The following DDIAS variants were observed in gnomAD, a reference collection of about 807,000 sequenced individuals.
DDIAS encodes DNA damage-induced apoptosis suppressor protein.
In DDIAS, 14 loss-of-function variants were observed where a neutral mutation model predicts 15.7. The ratio of observed to expected loss-of-function variants is 0.89; its 90% confidence interval spans 0.59 to 1.39. The LOEUF is 1.39. Among genes scored for constraint, DDIAS ranks in the 40% most tolerant of loss-of-function variants. DDIAS has a pLI of 0.00. For missense variants in DDIAS, 1,035 were observed against 1,130.9 expected, an observed-to-expected ratio of 0.92 and a Z score of 1.22; for synonymous variants, 355 against 395.9, an observed-to-expected ratio of 0.90 and a Z score of 1.23.
intron 3 of DDIAS, among the ~76,000 whole-genome samples, chr11:82,917,363 G>A (rs1860653610): frequency 6.7e-6 from 1 of 148,994 alleles, no homozygotes; most frequent in East Asian, 2.0e-4. Context: ...CATCCTCATA[G>A]CTTAGCTCCC....
rs372090730 is a variant in DDIAS, at chr11:82,932,996, T to C, written c.1658T>C (p.Val553Ala). 6.2e-7 allele frequency: 1 copy of C among 1,611,086 alleles called. No individual in the cohort carries two copies. The highest frequency in any genetic ancestry group is 8.5e-7 in the Non-Finnish European group (1 of 1,179,708). ...TCTTCAAAAGATTTAGAAACAATAG[T>C]TACTCTTAAGAAGACTATCAGAATC... ...SSSSKDLETI[V>A]TLKKTIRISP... Residue 553 changes from valine to alanine, a missense_variant, in exon 6 of 6, where the codon GTT becomes GCT. Physicochemically the swap from Val to Ala is moderately conservative, Grantham distance 64. Transcript: ENST00000533655.
At chr11:82,925,656 A>G (rs991940100) in intron 3 of DDIAS, among the ~76,000 whole-genome samples, 49 of 152,252 alleles carry the variant, frequency 3.2e-4, no homozygotes, top group African/African-American at 1.1e-3. Context: ...TATGGATCTA[A>G]TGTACAGCTT....
intron 1 of DDIAS, among the ~76,000 whole-genome samples, chr11:82,905,302 T>G (rs901139285): frequency 1.3e-5 from 2 of 152,176 alleles, no homozygotes; most frequent in Non-Finnish European, 2.9e-5. Context: ...GTGTGAGAGA[T>G]TTAAAGAAAG....
At position 82,933,662 on chromosome 11, in the gene DDIAS, CT is replaced by C. The variant is rs1259579791; in HGVS notation, c.2325del (p.Pro776GlnfsTer13). 3.1e-6 allele frequency: 5 copies of C among 1,614,068 alleles called. No homozygotes were observed. The highest frequency in any genetic ancestry group is 4.2e-6 in the Non-Finnish European group (5 of 1,179,978). On this transcript the variant is annotated frameshift_variant, in exon 6 of 6. Coordinates refer to ENST00000533655, the MANE Select transcript of DDIAS (RefSeq NM_145018.4). LOFTEE classifies it low-confidence loss of function (END_TRUNC). ...GACTTTGTTCCATGTTCACAGTCAA[CT>C]CCAATTTCAGGGTTCCACCAAACAA... is the stretch of plus-strand genomic sequence containing the variant. ...SQDFVPCSQS[T>X]PISGFHQTRI...
intron 3 of DDIAS, among the ~76,000 whole-genome samples, chr11:82,919,760 C>G (rs1860707784): frequency 6.6e-6 from 1 of 152,132 alleles, no homozygotes; most frequent in African/African-American, 2.4e-5. Flanking sequence ...GAGACGGAGT[C>G]TCACTCTGTC....
intron 3 of DDIAS, 26 bp downstream of exon 3, chr11:82,914,877 G>A (rs1860601977): frequency 6.9e-7 from 1 of 1,444,454 alleles, no homozygotes; most frequent in Non-Finnish European, 9.6e-7. Context: ...GTAAGTGTGA[G>A]AGAGGAAATA....
At chr11:82,929,444 C>T (rs1860937905) in intron 4 of DDIAS, among the ~76,000 whole-genome samples, 1 of 152,202 alleles carries the variant, frequency 6.6e-6, no homozygotes, top group South Asian at 2.1e-4. Context: ...TAGCTCACGC[C>T]TGTAATCCCA....
At chr11:82,913,943 T>A (rs759159616) in intron 2 of DDIAS, 1 of 443,350 alleles carries the variant, frequency 2.3e-6, no homozygotes, top group South Asian at 1.6e-5. Context: ...AATACTTTTT[T>A]TTTTCTTTTT....
intron 3 of DDIAS, among the ~76,000 whole-genome samples, chr11:82,923,962 T>C (rs1860807517): frequency 6.6e-6 from 1 of 152,202 alleles, no homozygotes; most frequent in Non-Finnish European, 1.5e-5. Context: ...ACATAGAAAT[T>C]GCCCTTCTGG....
Position 82,932,764 on chromosome 11 carries a change from C to T in DDIAS, c.1426C>T (p.Pro476Ser). Residue 476 changes from proline to serine, a missense_variant, in exon 6 of 6, where the codon CCT (proline) becomes TCT (serine). Physicochemically the swap from Pro to Ser is moderately conservative, Grantham distance 74. Transcript: ENST00000533655. ...QRTTGALHTP[P>S]IALRSSQVIV... is the part of the protein sequence containing the mutation. ...AACTACTGGAGCCCTGCATACACCA[C>T]CTATAGCTTTAAGATCATCACAAGT... The T allele has an allele frequency of 1.2e-6, 2 of 1,614,010 alleles. No homozygotes were observed. Among genetic ancestry groups the T allele is most frequent in the South Asian group, 1.1e-5 (1 of 91,088 alleles).
At position 82,928,821 on chromosome 11, in the gene DDIAS, C is replaced by T; in HGVS notation, c.158C>T (p.Ala53Val). Reference sequence around the variant, plus strand: ...GGCTCTACTGGTGAATCTGGAAATGCCAATTACAGATACAAACTTTCCTTA... The same window carrying T: ...GGCTCTACTGGTGAATCTGGAAATGTCAATTACAGATACAAACTTTCCTTA... ...KCGSTGESGNANYRYKLSLKV... is the reference protein window; with the variant it reads ...KCGSTGESGNVNYRYKLSLKV... Residue 53 changes from alanine to valine, a missense_variant, in exon 4 of 6, where the codon GCC becomes GTC. Coordinates refer to ENST00000533655, the MANE Select transcript of DDIAS (RefSeq NM_145018.4). The T allele has an allele frequency of 6.2e-7, 1 of 1,613,252 alleles. No individual in the cohort carries two copies. Among genetic ancestry groups the T allele is most frequent in the Non-Finnish European group, 8.5e-7 (1 of 1,179,694 alleles).
At chr11:82,910,604 CTCTTTTTTT>C (rs1860513030) in intron 1 of DDIAS, among the ~76,000 whole-genome samples, 2 of 107,640 alleles carry the variant, frequency 1.9e-5, no homozygotes, top group African/African-American at 4.9e-5. Context: ...CTCTCTCTCT[CTCTTTTTTT>C]TTTTTTTTTT....
intron 3 of DDIAS, among the ~76,000 whole-genome samples, chr11:82,918,377 C>G: frequency 6.6e-6 from 1 of 152,180 alleles, no homozygotes; most frequent in Middle Eastern, 3.2e-3. Flanking sequence ...TGTCAAAGAT[C>G]AGTTGGCTGT....
chr11:82,906,508 C>T (rs1455046900), intron 1 of DDIAS, among the ~76,000 whole-genome samples: 1 of 152,058 alleles, frequency 6.6e-6, no homozygotes, highest in Non-Finnish European at 1.5e-5. Context: ...GTTGTCTGCC[C>T]AATTAGCAAT....
At chr11:82,921,571 CTTTTTTTTTTT>C (rs968751055) in intron 3 of DDIAS, among the ~76,000 whole-genome samples, 5 of 78,132 alleles carry the variant, frequency 6.4e-5, no homozygotes, top group South Asian at 4.8e-4. Flanking sequence ...TTCTTTCTTT[CTTTTTTTTTTT>C]TTTTTTTTTT....
intron 3 of DDIAS, among the ~76,000 whole-genome samples, chr11:82,918,690 A>G (rs369240826): frequency 9.9e-5 from 15 of 152,212 alleles, no homozygotes; most frequent in African/African-American, 3.4e-4. Flanking sequence ...TATTGATTCT[A>G]CCTATCCACG....
At position 82,928,920 on chromosome 11, in the gene DDIAS, C is replaced by A; in HGVS notation, c.257C>A (p.Thr86Asn). ...GSCLDTFFGL[T>N]ATGLHRYIQD... ...TGCTTAGATACATTTTTTGGTCTTACTGCCACTGGTTTGCACAGGTAAGAA... is the reference window on the plus strand; with the variant it reads ...TGCTTAGATACATTTTTTGGTCTTAATGCCACTGGTTTGCACAGGTAAGAA... The change falls in exon 4 of 6, where the codon ACT becomes AAT. Residue 86 changes from threonine (T) to asparagine (N), a missense_variant. By Grantham distance (65) the Thr-to-Asn change is moderately conservative (BLOSUM62 0). Coordinates refer to ENST00000533655, the MANE Select transcript of DDIAS (RefSeq NM_145018.4). 6.2e-7 allele frequency: 1 copy of A among 1,612,066 alleles called. No homozygotes were observed. The highest frequency in any genetic ancestry group is 8.5e-7 in the Non-Finnish European group (1 of 1,179,538).
chr11:82,922,236 T>G (rs934430482), intron 3 of DDIAS, among the ~76,000 whole-genome samples: 2 of 152,198 alleles, frequency 1.3e-5, no homozygotes, highest in African/African-American at 4.8e-5. Context: ...TTTATGCTTC[T>G]TGTATTTAGA....
chr11:82,928,850 G>T lies in DDIAS; in HGVS notation c.187G>T (p.Val63Phe). 1 of 1,612,552 alleles carries T rather than the reference G, an allele frequency of 6.2e-7. No homozygotes were observed. The highest frequency in any genetic ancestry group is 1.1e-5 in the South Asian group (1 of 90,514). ...ANYRYKLSLK[V>F]AESNKLFVIT... is the part of the protein sequence containing the mutation. ...TTACAGATACAAACTTTCCTTAAAA[G>T]TTGCAGAATCAAACAAATTGTTTGT... Residue 63 changes from valine to phenylalanine, a missense_variant, in exon 4 of 6, where the codon GTT (valine) becomes TTT (phenylalanine). By Grantham distance (50) the Val-to-Phe change is conservative. Transcript: ENST00000533655.
Sources: gnomAD v4.1 joint callset for allele counts (sites outside exome capture counted in the v4.1 genomes callset) on GRCh38, gnomAD v4.1.1 for gene constraint, MANE v1.5 for transcripts, NCBI Gene and HGNC (gene_info 2026-07-23, HGNC 2026-07-21) for gene names.